TMEM132B: variants seen among roughly 807,000 people sequenced by gnomAD.
TMEM132B encodes the protein transmembrane protein 132B.
Under a neutral mutation model 90.8 loss-of-function variants are expected in TMEM132B, and 18 were observed. The observed-to-expected ratio is 0.20, with a 90% CI of 0.14 to 0.29. TMEM132B has a LOEUF of 0.29. TMEM132B is among the 10% of genes least tolerant of loss of function. The probability of loss-of-function intolerance (pLI) is 1.00; values close to 1 mark genes in which losing one functional copy is unlikely to be tolerated. For missense variants in TMEM132B, 1,096 were observed against 1,326.8 expected (o/e 0.83, Z 2.70); for synonymous variants, 504 against 523.3 (o/e 0.96, Z 0.50).
Position 125,519,460 on chromosome 12 carries a change from G to C in TMEM132B, c.1128G>C (p.Glu376Asp), listed in dbSNP as rs1448724583. 6.2e-7 allele frequency: 1 copy of C among 1,612,964 alleles called. No homozygotes were observed. The highest frequency in any genetic ancestry group is 1.7e-5 in the Admixed American group (1 of 59,750). ...TQSRVNGSFY[E>D]ILQVDFGIDN... ...CCAGGGTAAATGGATCCTTCTATGA[G>C]ATCTTGCAAGTGGACTTTGGAATTG... The change falls in exon 4 of 9, where the codon GAG becomes GAC. Residue 376 changes from glutamate (E) to aspartate (D), a missense_variant. Glu to Asp is a conservative substitution (Grantham distance 45, BLOSUM62 2). Transcript: ENST00000682704.
chr12:125,365,805 A>G (rs1878114531), intron 2 of TMEM132B, among the ~76,000 whole-genome samples: 1 of 152,116 alleles, frequency 6.6e-6, no homozygotes, highest in African/African-American at 2.4e-5. Flanking sequence ...TAAAATGTGT[A>G]ATTATCAAAT....
intron 1 of TMEM132B, among the ~76,000 whole-genome samples, chr12:125,238,376 A>C (rs531330942): frequency 0.013 from 1,890 of 145,156 alleles, 41 homozygotes; most frequent in Non-Finnish European, 0.019. Flanking sequence ...CAAAAAAAAA[A>C]CAAAAAAAAA....
chr12:125,499,502 A>G (rs1297207143), intron 3 of TMEM132B, among the ~76,000 whole-genome samples: 2 of 152,360 alleles, frequency 1.3e-5, no homozygotes, highest in East Asian at 3.9e-4. Flanking sequence ...ACATGCAGTC[A>G]GGGAGGTTTC....
chr12:125,612,829 G>T, intron 5 of TMEM132B, among the ~76,000 whole-genome samples: 3 of 49,856 alleles, frequency 6.0e-5, no homozygotes, highest in Admixed American at 2.2e-4. Flanking sequence ...ATATGTAGTG[G>T]GTGTTTATAT....
At chr12:125,647,465 G>A (rs1402488301) in intron 6 of TMEM132B, among the ~76,000 whole-genome samples, 1 of 152,206 alleles carries the variant, frequency 6.6e-6, no homozygotes, top group Non-Finnish European at 1.5e-5. Context: ...AAAACATCCA[G>A]AGAGAGGTTA....
At chr12:125,263,508 A>G (rs192722919) in intron 1 of TMEM132B, among the ~76,000 whole-genome samples, 192 of 152,256 alleles carry the variant, frequency 1.3e-3, no homozygotes, top group Non-Finnish European at 2.3e-3. Context: ...TCCCTTCTCT[A>G]TACCTCAGAC....
intron 1 of TMEM132B, among the ~76,000 whole-genome samples, chr12:125,270,794 C>T (rs1223694710): frequency 7.7e-4 from 50 of 64,712 alleles, no homozygotes; most frequent in African/African-American, 2.5e-3. Context: ...GTTGGGGGGG[C>T]GGGTAGGAGG....
intron 5 of TMEM132B, among the ~76,000 whole-genome samples, chr12:125,629,162 AT>A (rs539448867): frequency 2.4e-4 from 36 of 149,590 alleles, no homozygotes; most frequent in East Asian, 7.8e-4. Flanking sequence ...AAATTCTAGG[AT>A]TTTTTTTTTC....
intron 1 of TMEM132B, chr12:125,326,608 CCA>C: frequency 6.2e-7 from 1 of 1,603,860 alleles, no homozygotes; most frequent in Non-Finnish European, 8.5e-7. Context: ...CGCCTCAGCT[CCA>C]GACTCTACGG....
intron 3 of TMEM132B, among the ~76,000 whole-genome samples, chr12:125,517,790 G>A (rs1408902800): frequency 6.6e-6 from 1 of 152,122 alleles, no homozygotes; most frequent in African/African-American, 2.4e-5. Context: ...TTCAGACAAG[G>A]AAGCTGATGG....
chr12:125,566,547 G>A (rs1224690032), intron 4 of TMEM132B, among the ~76,000 whole-genome samples: 3 of 152,132 alleles, frequency 2.0e-5, no homozygotes, highest in South Asian at 4.1e-4. Flanking sequence ...TGGACGTGGC[G>A]GGGTTGAGAG....
chr12:125,583,942 T>A lies in TMEM132B; in HGVS notation c.1385T>A (p.Val462Asp). 1 of 1,614,174 alleles carries A rather than the reference T, an allele frequency of 6.2e-7. No individual in the cohort carries two copies. The highest frequency in any genetic ancestry group is 8.5e-7 in the Non-Finnish European group (1 of 1,180,024). ...GGGGTCCAGGAGGATGGTTCTGTGG[T>A]CGATGTGTCTGAGTCTGTGGAATGC... The part of the protein sequence containing the change: ...VVGVQEDGSV[V>D]DVSESVECKS... Residue 462 changes from valine (V) to aspartate (D), a missense_variant, in exon 5 of 9, where the codon GTC becomes GAC. Physicochemically the swap from Val to Asp is radical, Grantham distance 152. Transcript: ENST00000682704.
At chr12:125,256,689 A>C (rs1465331427) in intron 1 of TMEM132B, among the ~76,000 whole-genome samples, 3 of 152,236 alleles carry the variant, frequency 2.0e-5, no homozygotes, top group Non-Finnish European at 4.4e-5. Flanking sequence ...TGGTGCAAAA[A>C]GTAATAGCAG....
chr12:125,219,158 C>T (rs2136072131), intron 1 of TMEM132B, among the ~76,000 whole-genome samples: 1 of 152,198 alleles, frequency 6.6e-6, no homozygotes, highest in South Asian at 2.1e-4. Context: ...CTTTTTTCCC[C>T]TTAAATGTAT....
rs1398597228 is a variant in TMEM132B, at chr12:125,466,268, G to C, written c.1106+50591G>C. On this transcript the variant is annotated intron_variant, in intron 3 of 8. Transcript: ENST00000682704. ...TTTTCCCATTCCTTGTCAGATAGGAGATGGAACAAGGGTGCAGCTGCCTAA... is the reference window on the plus strand; with the variant it reads ...TTTTCCCATTCCTTGTCAGATAGGACATGGAACAAGGGTGCAGCTGCCTAA... Among the ~76,000 whole-genome samples, 5 of 152,210 alleles carry C rather than the reference G, an allele frequency of 3.3e-5. No homozygotes were observed. The East Asian group carries it at 9.6e-4, about 29-fold the overall frequency.
At position 125,459,992 on chromosome 12, in the gene TMEM132B, A is replaced by G. The variant is rs1881393768; in HGVS notation, c.1106+44315A>G. 6.6e-6 allele frequency among the ~76,000 whole-genome samples: 1 copy of G among 152,174 alleles called. No individual in the cohort carries two copies. The highest frequency in any genetic ancestry group is 1.5e-5 in the Non-Finnish European group (1 of 68,032). ...TCCACCATGATTGTGAGGCCTCCCC[A>G]GCCATGTGGGAGTGTGAGCCCATGA... is the stretch of plus-strand genomic sequence containing the variant. On this transcript the variant is annotated intron_variant, in intron 3 of 8. Coordinates refer to ENST00000682704, the MANE Select transcript of TMEM132B (RefSeq NM_001366854.1). This position sits in a 1 kb window ranked among gnomAD's most constrained non-coding sequence, Gnocchi z 4.1.
chr12:125,218,501 C>T (rs1873488359), intron 1 of TMEM132B, among the ~76,000 whole-genome samples: 2 of 152,090 alleles, frequency 1.3e-5, no homozygotes, highest in African/African-American at 4.8e-5. Flanking sequence ...ATCTAAAAAT[C>T]TCAAACGCCC....
chr12:125,472,345 C>T (rs533119523), intron 3 of TMEM132B, among the ~76,000 whole-genome samples: 4 of 151,922 alleles, frequency 2.6e-5, no homozygotes, highest in South Asian at 2.1e-4. Context: ...AAAGTTAGAA[C>T]GGCCTCTGCA....
At chr12:125,479,336 G>T (rs1031593246) in intron 3 of TMEM132B, among the ~76,000 whole-genome samples, 9 of 152,178 alleles carry the variant, frequency 5.9e-5, no homozygotes, top group Non-Finnish European at 1.3e-4. Flanking sequence ...AAAGAGTCAA[G>T]ACCCATTAGT....
Sources: allele counts gnomAD v4.1 joint callset (sites outside exome capture counted in the v4.1 genomes callset), GRCh38; gene constraint gnomAD v4.1.1; non-coding constraint Gnocchi (gnomAD v3.1); transcripts MANE v1.5; gene names NCBI Gene and HGNC (gene_info 2026-07-23, HGNC 2026-07-21).